Variants in BRF1 observed in about 807,000 individuals in gnomAD.
BRF1 encodes the protein transcription factor IIIB 90 kDa subunit.
BRF1 carries 59 observed loss-of-function variants against 81.7 expected under a neutral mutation model. That is an observed-to-expected ratio of 0.72 (90% CI 0.59 to 0.90). The LOEUF (loss-of-function observed/expected upper bound fraction) is 0.90, where lower values mean the gene tolerates loss of function less well. Ranked by LOEUF, BRF1 falls within the 40% of genes least tolerant of loss-of-function variation. The probability of loss-of-function intolerance (pLI) is 0.00; values close to 1 mark genes in which losing one functional copy is unlikely to be tolerated. For synonymous variants in BRF1, 491 were observed against 395.6 expected (o/e 1.24, Z -2.86); for missense variants, 1,050 against 936.3 (o/e 1.12, Z -1.58).
chr14:105,227,623 A>T (rs894200782), intron 7 of BRF1: 1 of 152,246 alleles, frequency 6.6e-6, no homozygotes, highest in African/African-American at 2.4e-5. Flanking sequence ...AGAGAACCCC[A>T]ATCCTAGGCG....
chr14:105,217,055 C>T (rs1248836712), intron 15 of BRF1, among the ~76,000 whole-genome samples: 2 of 152,216 alleles, frequency 1.3e-5, no homozygotes, highest in Non-Finnish European at 2.9e-5. Context: ...AGCCTCGTGA[C>T]CCTGTGCGCT....
intron 1 of BRF1, among the ~76,000 whole-genome samples, chr14:105,293,785 T>C (rs981857720): frequency 2.0e-5 from 3 of 152,200 alleles, no homozygotes; most frequent in Non-Finnish European, 2.9e-5. Context: ...GGGCCTGGCT[T>C]CCAAGGTCAG....
chr14:105,287,400 G>A (rs949942217), intron 1 of BRF1, among the ~76,000 whole-genome samples: 1 of 152,206 alleles, frequency 6.6e-6, no homozygotes, highest in Non-Finnish European at 1.5e-5. Flanking sequence ...AAGATGGGGA[G>A]AGCTGGAAAG....
At chr14:105,216,905 G>T (rs1404301226) in intron 15 of BRF1, among the ~76,000 whole-genome samples, 1 of 152,196 alleles carries the variant, frequency 6.6e-6, no homozygotes, top group Non-Finnish European at 1.5e-5. Context: ...AGGGACACAT[G>T]GACCAGCCAC....
At chr14:105,312,537 C>T (rs1379537068) in intron 1 of BRF1, among the ~76,000 whole-genome samples, 1 of 152,188 alleles carries the variant, frequency 6.6e-6, no homozygotes, top group Non-Finnish European at 1.5e-5. Context: ...AGAGAAAGCA[C>T]CTGTGCTCCA....
At chr14:105,247,848 C>T in intron 5 of BRF1, 1 of 985,682 alleles carries the variant, frequency 1.0e-6, no homozygotes. Context: ...CCTCTGAAGT[C>T]TGGTCTCCTC....
intron 3 of BRF1, among the ~76,000 whole-genome samples, chr14:105,264,431 G>A (rs1276534648): frequency 1.3e-5 from 2 of 151,888 alleles, no homozygotes; most frequent in East Asian, 1.9e-4. Context: ...TTGGGAGGCC[G>A]AGGTGGGCGG....
rs587757714 is a variant in BRF1, at chr14:105,285,671, A to C, written c.265+625T>G. ...CTAAATAGGTAAACTGGATACTATC[A>C]GAATTTAAAACTTTCATGCTCCAAA... On this transcript the variant is annotated intron_variant, in intron 2 of 17. Coordinates refer to ENST00000547530, the MANE Select transcript of BRF1 (RefSeq NM_001519.4). Among the ~76,000 whole-genome samples, 62 of 152,362 alleles carry C rather than the reference A, an allele frequency of 4.1e-4. 1 individual carries two copies. Among genetic ancestry groups the C allele is most frequent in the African/African-American group, 1.5e-3 (61 of 41,582 alleles).
At chr14:105,247,296 G>A in intron 5 of BRF1, 1 of 985,444 alleles carries the variant, frequency 1.0e-6, no homozygotes, top group South Asian at 4.7e-5. Flanking sequence ...ACCTGCAGCA[G>A]GTGATCTCCA....
intron 5 of BRF1, chr14:105,248,214 G>C (rs761695322): frequency 1.0e-6 from 1 of 985,400 alleles, no homozygotes; most frequent in African/African-American, 1.7e-5. Flanking sequence ...CGAAGCATCT[G>C]AACGAACGAG....
intron 14 of BRF1, among the ~76,000 whole-genome samples, 176 bp downstream of exon 14, chr14:105,218,822 G>A (rs1030914091): frequency 7.9e-5 from 12 of 152,212 alleles, no homozygotes; most frequent in African/African-American, 2.4e-4. Flanking sequence ...TGGCCAGCAC[G>A]GGGCAGGACC....
At chr14:105,249,320 G>C (rs1362743499) in intron 5 of BRF1, 2 of 1,596,318 alleles carry the variant, frequency 1.3e-6, no homozygotes, top group East Asian at 2.3e-5. Flanking sequence ...CACGCAGCCT[G>C]CGGGAGAGCC....
At chr14:105,247,861 C>A in intron 5 of BRF1, 3 of 985,704 alleles carry the variant, frequency 3.0e-6, no homozygotes, top group Non-Finnish European at 3.6e-6. Flanking sequence ...GTCTCCTCAT[C>A]AGCAAAGCCA....
chr14:105,249,293 G>A (rs756811289), intron 5 of BRF1: 61 of 1,572,602 alleles, frequency 3.9e-5, no homozygotes, highest in Middle Eastern at 1.8e-4. Flanking sequence ...CGTCCGCCCC[G>A]TCCGCCGTGT....
chr14:105,222,015 G>A (rs1367970394), intron 10 of BRF1, 101 bp from the exon 11 acceptor site: 5 of 1,412,140 alleles, frequency 3.5e-6, no homozygotes, highest in South Asian at 1.4e-5. Flanking sequence ...CCCATAGAAC[G>A]GCTGTCAGTG....
intron 1 of BRF1, among the ~76,000 whole-genome samples, chr14:105,314,140 A>G (rs890719422): frequency 9.9e-5 from 15 of 151,548 alleles, no homozygotes; most frequent in Admixed American, 8.5e-4. Flanking sequence ...AGGCCCGGCC[A>G]CCTCCTTGCC....
chr14:105,273,703 C>T (rs2056757313), intron 2 of BRF1, among the ~76,000 whole-genome samples: 1 of 152,156 alleles, frequency 6.6e-6, no homozygotes, highest in African/African-American at 2.4e-5. Context: ...AAAGTGTTCA[C>T]AGGCAGTATG....
intron 5 of BRF1, chr14:105,248,909 C>T (rs986357143): frequency 1.0e-4 from 100 of 987,154 alleles, no homozygotes; most frequent in Non-Finnish European, 1.1e-4. Context: ...GCGCCGCGGC[C>T]GCGGACCTAG....
At chr14:105,280,688 G>A (rs587756605) in intron 2 of BRF1, among the ~76,000 whole-genome samples, 57 of 152,040 alleles carry the variant, frequency 3.7e-4, no homozygotes, top group Non-Finnish European at 1.3e-4. Flanking sequence ...CCGGCTGTGC[G>A]GTGAAGGCTG....
Sources: gnomAD v4.1 joint callset for allele counts (sites outside exome capture counted in the v4.1 genomes callset) on GRCh38, gnomAD v4.1.1 for gene constraint, MANE v1.5 for transcripts, NCBI Gene and HGNC (gene_info 2026-07-23, HGNC 2026-07-21) for gene names.